OPA3: variants seen among roughly 807,000 people sequenced by gnomAD.
OPA3 encodes the protein outer mitochondrial membrane lipid metabolism regulator OPA3.
A neutral mutation model predicts 4.0 loss-of-function variants in OPA3; 6 were observed. That is an observed-to-expected ratio of 1.51 (90% confidence interval 0.83 to 2.99). The LOEUF (loss-of-function observed/expected upper bound fraction) is 2.99. Among genes scored for constraint, OPA3 ranks in the 30% most tolerant of loss-of-function variants. OPA3 has a pLI of 0.00. For missense variants in OPA3, 235 were observed against 256.2 expected, an observed-to-expected ratio of 0.92 and a Z score of 0.56; for synonymous variants, 105 against 117.1, an observed-to-expected ratio of 0.90 and a Z score of 0.67.
chr19:45,548,211 C>G lies in OPA3; in HGVS notation c.*5303G>C. ...GGGACCCAAGCCTGCCACTCAGCAA[C>G]ACAGCGACCAGCCCAGGAGTAGCTC... is the stretch of plus-strand genomic sequence containing the variant. On this transcript the variant is annotated 3_prime_UTR_variant, in exon 2 of 2. Coordinates refer to ENST00000263275, the MANE Select transcript of OPA3 (RefSeq NM_025136.4). The G allele has an allele frequency of 1.0e-6, 1 of 986,048 alleles. No individual in the cohort carries two copies. The highest frequency in any genetic ancestry group is 6.1e-5 in the Admixed American group (1 of 16,290). The allele number at this position is 986,048 out of a possible 1,614,324, so 61.1% of individuals were successfully genotyped here. A position where few individuals can be genotyped will look rare whatever the true frequency, so the allele number is the denominator to read the frequency against.
chr19:45,572,598 G>GATATATGTATATAAATATATATATCA (rs1969696874), intron 1 of OPA3, among the ~76,000 whole-genome samples: 1 of 94,082 alleles, frequency 1.1e-5, no homozygotes, highest in Non-Finnish European at 2.4e-5. Context: ...TATATATATT[G>GATATATGTATATAAATATATATATCA]ATATATATCA....
intron 1 of OPA3, among the ~76,000 whole-genome samples, chr19:45,556,855 A>T (rs1295790413): frequency 2.0e-5 from 3 of 151,448 alleles, no homozygotes. Context: ...GGCTGTGGAG[A>T]CCCCTCCCAC....
At chr19:45,533,290 G>C (rs1286942804) in intron 1 of OPA3, among the ~76,000 whole-genome samples, 1 of 151,576 alleles carries the variant, frequency 6.6e-6, no homozygotes, top group Non-Finnish European at 1.5e-5. Flanking sequence ...CGCCTCCTGG[G>C]TTCAAGCCAT....
intron 1 of OPA3, among the ~76,000 whole-genome samples, chr19:45,540,767 C>T (rs1377449093): frequency 6.6e-6 from 1 of 150,872 alleles, no homozygotes; most frequent in Non-Finnish European, 1.5e-5. Flanking sequence ...GGCACCACTG[C>T]ACTCCAGCCT....
intron 1 of OPA3, among the ~76,000 whole-genome samples, chr19:45,575,957 G>T (rs997052238): frequency 1.3e-5 from 2 of 152,264 alleles, no homozygotes; most frequent in Non-Finnish European, 2.9e-5. Flanking sequence ...ATGGGGGCCA[G>T]TTGTGGTGGC....
chr19:45,548,463 G>C lies in OPA3; in HGVS notation c.*5051C>G, dbSNP rs373641000. ...TAGTCCTGAGTCACTCCAGAGGGAG[G>C]ATTCCGGATTCAGCCCAGCCCCTGC... On this transcript the variant is annotated 3_prime_UTR_variant, in exon 2 of 2. Coordinates refer to ENST00000263275, the MANE Select transcript of OPA3 (RefSeq NM_025136.4). The C allele has an allele frequency of 1.0e-6, 1 of 985,430 alleles. No homozygotes were observed. 61.0% of individuals were successfully genotyped at this position (985,430 alleles called of 1,614,324 possible).
At chr19:45,532,092 G>A (rs545835115) in intron 1 of OPA3, among the ~76,000 whole-genome samples, 14 of 152,320 alleles carry the variant, frequency 9.2e-5, no homozygotes, top group Admixed American at 7.8e-4. Context: ...AACCTCTGGA[G>A]GGGCTAGAAT....
At chr19:45,570,467 G>A (rs1969645287) in intron 1 of OPA3, among the ~76,000 whole-genome samples, 1 of 152,136 alleles carries the variant, frequency 6.6e-6, no homozygotes, top group Non-Finnish European at 1.5e-5. Flanking sequence ...CAGATCACCT[G>A]AGGTCAGGAG....
Position 45,549,307 on chromosome 19 carries a change from G to T in OPA3, c.*4207C>A. 1 of 985,334 alleles carries T rather than the reference G, an allele frequency of 1.0e-6. No individual in the cohort carries two copies. Among genetic ancestry groups the T allele is most frequent in the Non-Finnish European group, 1.2e-6 (1 of 829,936 alleles). 61.0% of individuals were successfully genotyped at this position (985,334 alleles called of 1,614,324 possible). A position where few individuals can be genotyped will look rare whatever the true frequency, so the allele number is the denominator to read the frequency against. On this transcript the variant is annotated 3_prime_UTR_variant, in exon 2 of 2. Coordinates refer to ENST00000263275, the MANE Select transcript of OPA3 (RefSeq NM_025136.4). ...ACTTCCACACACTCTGGCCACCCCTGACGCCGCAGTGGGGGAAGTAGATGG... is the reference window on the plus strand; with the variant it reads ...ACTTCCACACACTCTGGCCACCCCTTACGCCGCAGTGGGGGAAGTAGATGG...
downstream of OPA3, among the ~76,000 whole-genome samples, chr19:45,541,571 A>C (rs1298673345): frequency 6.6e-6 from 1 of 151,862 alleles, no homozygotes; most frequent in East Asian, 1.9e-4. Context: ...AAATAAGAGA[A>C]ATTTTTTTTT....
chr19:45,570,237 A>T (rs1366691619), intron 1 of OPA3, among the ~76,000 whole-genome samples: 1 of 152,244 alleles, frequency 6.6e-6, no homozygotes, highest in Non-Finnish European at 1.5e-5. Context: ...AGCCATGAGT[A>T]CATGAGCAAA....
chr19:45,546,111 A>G (rs1339500283), downstream of OPA3, among the ~76,000 whole-genome samples: 4 of 152,116 alleles, frequency 2.6e-5, no homozygotes, highest in Non-Finnish European at 5.9e-5. Flanking sequence ...CAAGACATAT[A>G]ATACATAATG....
chr19:45,560,678 C>T (rs983536187), intron 1 of OPA3, among the ~76,000 whole-genome samples: 3 of 152,130 alleles, frequency 2.0e-5, no homozygotes, highest in Non-Finnish European at 2.9e-5. Flanking sequence ...GGCACCATTT[C>T]CTAAGCCCTT....
intron 1 of OPA3, among the ~76,000 whole-genome samples, chr19:45,530,215 G>A (rs1969044243): frequency 6.6e-6 from 1 of 152,104 alleles, no homozygotes; most frequent in South Asian, 2.1e-4. Context: ...TTAGCCGGGC[G>A]TGATAGCGCG....
intron 1 of OPA3, among the ~76,000 whole-genome samples, chr19:45,533,063 G>C (rs547446882): frequency 3.5e-4 from 49 of 138,968 alleles, no homozygotes; most frequent in African/African-American, 8.5e-4. Context: ...GGATATTTTT[G>C]TATTTTTAGT....
At chr19:45,572,378 T>C (rs1231304440) in intron 1 of OPA3, among the ~76,000 whole-genome samples, 1 of 134,280 alleles carries the variant, frequency 7.4e-6, no homozygotes, top group East Asian at 2.3e-4. Flanking sequence ...TATCGATATA[T>C]ATCTCATATA....
chr19:45,577,552 G>A (rs1476314166), intron 1 of OPA3, among the ~76,000 whole-genome samples: 1 of 152,160 alleles, frequency 6.6e-6, no homozygotes, highest in African/African-American at 2.4e-5. Flanking sequence ...TGTCCAACCT[G>A]CCCCTCCTCC....
chr19:45,562,558 G>A (rs942431429), intron 1 of OPA3, among the ~76,000 whole-genome samples: 29 of 151,354 alleles, frequency 1.9e-4, no homozygotes, highest in Admixed American at 1.6e-3. Context: ...GTGTGATGGC[G>A]CACGCCTGTA....
chr19:45,556,851 G>A (rs1341880884), intron 1 of OPA3, among the ~76,000 whole-genome samples: 2 of 152,212 alleles, frequency 1.3e-5, no homozygotes, highest in Admixed American at 1.3e-4. Flanking sequence ...TCCAGGCTGT[G>A]GAGACCCCTC....
Sources: allele counts gnomAD v4.1 joint callset (sites outside exome capture counted in the v4.1 genomes callset), GRCh38; gene constraint gnomAD v4.1.1; transcripts MANE v1.5; gene names NCBI Gene and HGNC (gene_info 2026-07-23, HGNC 2026-07-21).